Variants in GALNT14 observed in about 807,000 individuals in gnomAD.
GALNT14 encodes UDP-GalNAc:polypeptide N-acetylgalactosaminyltransferase 14.
GALNT14 carries 60 observed loss-of-function variants against 77.5 expected under a neutral mutation model. That is an observed-to-expected ratio of 0.77 (90% confidence interval 0.63 to 0.96). GALNT14 has a LOEUF of 0.96. Ranked by LOEUF, GALNT14 falls within the 40% of genes least tolerant of loss-of-function variation. GALNT14 has a pLI of 0.00. For synonymous variants in GALNT14, 280 were observed against 281.7 expected (o/e 0.99, Z 0.06); for missense variants, 710 against 731.0 (o/e 0.97, Z 0.33).
downstream of GALNT14, among the ~76,000 whole-genome samples, chr2:30,908,517 C>T (rs1664205923): frequency 6.9e-6 from 1 of 145,498 alleles, no homozygotes; most frequent in African/African-American, 2.6e-5. Flanking sequence ...TGAAGGACCT[C>T]TTCAAGGAGA....
intron 1 of GALNT14, among the ~76,000 whole-genome samples, chr2:31,030,966 G>T (rs1267042352): frequency 6.6e-6 from 1 of 152,156 alleles, no homozygotes; most frequent in Non-Finnish European, 1.5e-5. Context: ...CCAGCTGAAG[G>T]CCAGAAAGCC....
chr2:30,929,507 C>T lies in GALNT14; in HGVS notation c.1059-20G>A, dbSNP rs753395128. 5.7e-6 allele frequency: 9 copies of T among 1,583,762 alleles called. No individual in the cohort carries two copies. The highest frequency in any genetic ancestry group is 2.7e-5 in the African/African-American group (2 of 74,432). ...GTGTTCCTGGGAAAACAAGGAGTGA[C>T]AAGGGGTGTCAGTAAGGGGCTGTCT... On this transcript the variant is annotated intron_variant, in intron 10 of 14. Transcript: ENST00000349752.
intron 10 of GALNT14, among the ~76,000 whole-genome samples, chr2:30,930,484 A>G (rs556393569): frequency 6.6e-6 from 1 of 152,344 alleles, no homozygotes; most frequent in Non-Finnish European, 1.5e-5. Context: ...ACAGAAAAGG[A>G]GACAGACAGA....
chr2:30,969,880 A>T (rs1668242082), intron 2 of GALNT14, among the ~76,000 whole-genome samples: 1 of 152,178 alleles, frequency 6.6e-6, no homozygotes, highest in African/African-American at 2.4e-5. Context: ...CTCTGACCAT[A>T]GCTAACATTC....
intron 1 of GALNT14, among the ~76,000 whole-genome samples, chr2:31,113,569 C>G (rs925577881): frequency 3.3e-5 from 5 of 152,142 alleles, no homozygotes; most frequent in Non-Finnish European, 7.3e-5. Context: ...TAGGGTAGCT[C>G]AGGGTATTCC....
chr2:30,982,482 T>C (rs184498030), intron 2 of GALNT14, among the ~76,000 whole-genome samples: 1 of 152,290 alleles, frequency 6.6e-6, no homozygotes, highest in Admixed American at 6.5e-5. Flanking sequence ...TACACAGCAA[T>C]GAGAATAAAC....
intron 1 of GALNT14, among the ~76,000 whole-genome samples, chr2:31,094,321 A>G (rs1450435362): frequency 6.6e-5 from 10 of 152,208 alleles, no homozygotes; most frequent in African/African-American, 1.7e-4. Context: ...CCCAAAACCT[A>G]TAAGAACTAA....
At chr2:30,958,274 G>A (rs571630666) in intron 4 of GALNT14, 123 bp downstream of exon 4, 21 of 761,624 alleles carry the variant, frequency 2.8e-5, no homozygotes, top group South Asian at 8.8e-5. Flanking sequence ...AAAGACTTCC[G>A]TACCTATTAC....
At chr2:31,065,000 G>C (rs1398799601) in intron 1 of GALNT14, 1 of 150,344 alleles carries the variant, frequency 6.7e-6, no homozygotes, top group Admixed American at 6.7e-5. Flanking sequence ...ACACTTTCAG[G>C]CTGGCTGAGC....
At chr2:30,958,112 T>C (rs1042696745) in intron 4 of GALNT14, among the ~76,000 whole-genome samples, 1 of 151,828 alleles carries the variant, frequency 6.6e-6, no homozygotes, top group East Asian at 1.9e-4. Flanking sequence ...TCCCACGGGG[T>C]TGGGGAGGTC....
At chr2:30,942,696 G>A (rs1666452356) in intron 8 of GALNT14, among the ~76,000 whole-genome samples, 3 of 152,192 alleles carry the variant, frequency 2.0e-5, no homozygotes, top group Admixed American at 1.3e-4. Flanking sequence ...TCTGTTACTG[G>A]GAGAAGGGAC....
intron 7 of GALNT14, 24 bp downstream of exon 7, chr2:30,945,759 G>C: frequency 6.4e-7 from 1 of 1,570,260 alleles, no homozygotes; most frequent in Non-Finnish European, 8.8e-7. Flanking sequence ...TCCTTACTGG[G>C]GAGGAGGTGT....
chr2:31,111,995 C>CT (rs398080139), intron 1 of GALNT14, among the ~76,000 whole-genome samples: 322 of 134,094 alleles, frequency 2.4e-3, no homozygotes, highest in African/African-American at 3.6e-3. Context: ...TGTGTACTTG[C>CT]TTTTTTTTTT....
rs540244286 is a variant in GALNT14, at chr2:30,937,372, C to T, written c.931+4829G>A. Among the ~76,000 whole-genome samples, 25 of 152,306 alleles carry T rather than the reference C, an allele frequency of 1.6e-4. No individual in the cohort carries two copies. The South Asian group carries it at 4.1e-3, about 25-fold the overall frequency. On this transcript the variant is annotated intron_variant, in intron 9 of 14. Transcript: ENST00000349752. ...CCACAAACTTAGTGGGTGGGTTTGG[C>T]GGAGCCCTCTGCTTAGGGTCTCAGA...
At chr2:31,005,708 G>A (rs977964590) in intron 1 of GALNT14, among the ~76,000 whole-genome samples, 2 of 152,174 alleles carry the variant, frequency 1.3e-5, no homozygotes, top group African/African-American at 2.4e-5. Context: ...TCACCTCACT[G>A]TCCGTCTGTG....
chr2:31,008,028 T>C (rs1670786941), intron 1 of GALNT14, among the ~76,000 whole-genome samples: 1 of 152,164 alleles, frequency 6.6e-6, no homozygotes, highest in Non-Finnish European at 1.5e-5. Flanking sequence ...AATAACTCTC[T>C]TCTTCCCAAG....
intron 3 of GALNT14, among the ~76,000 whole-genome samples, chr2:30,963,218 G>A (rs1168010709): frequency 6.6e-6 from 1 of 152,156 alleles, no homozygotes; most frequent in Non-Finnish European, 1.5e-5. Flanking sequence ...CTCCCAGAGT[G>A]CAGGGTTCCA....
At chr2:31,058,033 C>T (rs1469671505) in intron 1 of GALNT14, among the ~76,000 whole-genome samples, 1 of 152,150 alleles carries the variant, frequency 6.6e-6, no homozygotes, top group Non-Finnish European at 1.5e-5. Context: ...TAACACTATT[C>T]CCTGCCCTGC....
In GALNT14 at chr2:31,070,552, T is replaced by A. The variant is rs1489470667; in HGVS notation, c.129+67406A>T. Among the ~76,000 whole-genome samples, 3 of 152,304 alleles carry A rather than the reference T, an allele frequency of 2.0e-5. No homozygotes were observed. The South Asian group carries it at 6.2e-4, about 32-fold the overall frequency. Reference sequence around the variant, plus strand: ...CATTTTCTCCCAGCCTGAAAAATGCTCGGCAGCAATTTATCGGCGTGCCCA... The same window carrying A: ...CATTTTCTCCCAGCCTGAAAAATGCACGGCAGCAATTTATCGGCGTGCCCA... On this transcript the variant is annotated intron_variant, in intron 1 of 14. Coordinates refer to ENST00000349752, the MANE Select transcript of GALNT14 (RefSeq NM_024572.4).
Sources: gnomAD v4.1 joint callset for allele counts (sites outside exome capture counted in the v4.1 genomes callset) on GRCh38, gnomAD v4.1.1 for gene constraint, MANE v1.5 for transcripts, NCBI Gene and HGNC (gene_info 2026-07-23, HGNC 2026-07-21) for gene names.